CNTNAP2: variants seen among roughly 807,000 people sequenced by gnomAD.
The protein encoded by CNTNAP2 is contactin-associated protein-like 2.
A neutral mutation model predicts 155.2 loss-of-function variants in CNTNAP2; 98 were observed. The ratio of observed to expected loss-of-function variants is 0.63; its 90% CI spans 0.54 to 0.75. The LOEUF (loss-of-function observed/expected upper bound fraction) is 0.75. Among genes scored for constraint, CNTNAP2 ranks in the 30% least tolerant of loss-of-function variants. CNTNAP2 has a pLI of 0.00. For missense variants in CNTNAP2, 1,727 were observed against 1,688.1 expected (o/e 1.02, Z -0.40); for synonymous variants, 651 against 631.2 (o/e 1.03, Z -0.47).
intron 14 of CNTNAP2, among the ~76,000 whole-genome samples, chr7:147,965,770 A>T (rs1264705090): frequency 6.6e-6 from 1 of 152,084 alleles, no homozygotes; most frequent in East Asian, 1.9e-4. Context: ...CCATGGCTGC[A>T]TTCTGACTTG....
At chr7:146,314,115 A>G (rs1164443938) in intron 1 of CNTNAP2, among the ~76,000 whole-genome samples, 1 of 152,156 alleles carries the variant, frequency 6.6e-6, no homozygotes, top group Non-Finnish European at 1.5e-5. Flanking sequence ...TTGTTGAATA[A>G]AATCCGTCAT....
intron 17 of CNTNAP2, among the ~76,000 whole-genome samples, chr7:148,158,073 A>G (rs1355441370): frequency 6.6e-6 from 1 of 152,106 alleles, no homozygotes; most frequent in Non-Finnish European, 1.5e-5. Context: ...CAAAGGGCAA[A>G]GGATAGCCCC....
intron 10 of CNTNAP2, among the ~76,000 whole-genome samples, chr7:147,419,745 C>T (rs1236732315): frequency 6.6e-6 from 1 of 152,162 alleles, no homozygotes; most frequent in Non-Finnish European, 1.5e-5. Context: ...ACCAACATTA[C>T]TGCATCAAAT....
At chr7:148,020,639 C>T (rs1339751522) in intron 15 of CNTNAP2, among the ~76,000 whole-genome samples, 1 of 152,134 alleles carries the variant, frequency 6.6e-6, no homozygotes. Context: ...ATTGTCTACC[C>T]CACAGTTTCA....
chr7:146,641,534 A>C (rs1799708136), intron 1 of CNTNAP2, among the ~76,000 whole-genome samples: 2 of 152,008 alleles, frequency 1.3e-5, no homozygotes. Flanking sequence ...TTTGCTTCTA[A>C]TTTATTTTTC....
intron 3 of CNTNAP2, among the ~76,000 whole-genome samples, chr7:146,879,867 G>A (rs1008123696): frequency 3.3e-5 from 5 of 152,060 alleles, no homozygotes; most frequent in Non-Finnish European, 7.4e-5. Context: ...AGTTTAATGG[G>A]CTCACAGTTC....
chr7:146,448,618 A>C (rs1012430525), intron 1 of CNTNAP2, among the ~76,000 whole-genome samples: 1 of 152,000 alleles, frequency 6.6e-6, no homozygotes, highest in African/African-American at 2.4e-5. Flanking sequence ...ATGCATGGAA[A>C]TTTGCAAAGT....
chr7:147,529,022 A>G (rs1173319254), intron 11 of CNTNAP2, among the ~76,000 whole-genome samples: 1 of 152,180 alleles, frequency 6.6e-6, no homozygotes, highest in Non-Finnish European at 1.5e-5. Flanking sequence ...TAAAAAAGTT[A>G]TGCTAATCAT....
chr7:146,681,596 A>AG (rs1226465041), intron 1 of CNTNAP2, among the ~76,000 whole-genome samples: 1 of 9,782 alleles, frequency 1.0e-4, no homozygotes, highest in Non-Finnish European at 1.9e-4. Flanking sequence ...GGGGGATGGG[A>AG]GGGGGTGGGA....
At chr7:146,647,813 A>G (rs1157622059) in intron 1 of CNTNAP2, among the ~76,000 whole-genome samples, 1 of 152,192 alleles carries the variant, frequency 6.6e-6, no homozygotes, top group Non-Finnish European at 1.5e-5. Flanking sequence ...AGAGATTTTT[A>G]AAAGAAATCT....
chr7:148,247,831 T>C (rs531651036), intron 20 of CNTNAP2, among the ~76,000 whole-genome samples: 12 of 151,620 alleles, frequency 7.9e-5, no homozygotes, highest in Non-Finnish European at 1.3e-4. Flanking sequence ...TTTTTGTATT[T>C]TTAGTAGAGA....
intron 1 of CNTNAP2, among the ~76,000 whole-genome samples, chr7:146,257,888 AT>A (rs57787137): frequency 7.1e-4 from 104 of 147,048 alleles, no homozygotes; most frequent in South Asian, 8.7e-4. Context: ...TTATCCAGCA[AT>A]TTTTTTTTTT....
At chr7:147,539,038 T>A (rs1056494375) in intron 11 of CNTNAP2, among the ~76,000 whole-genome samples, 3 of 152,164 alleles carry the variant, frequency 2.0e-5, no homozygotes, top group Non-Finnish European at 4.4e-5. Flanking sequence ...TGTTTTTAGG[T>A]TATCTAGACA....
intron 8 of CNTNAP2, among the ~76,000 whole-genome samples, chr7:147,189,245 G>C (rs1244504682): frequency 6.6e-6 from 1 of 151,930 alleles, no homozygotes; most frequent in East Asian, 1.9e-4. Flanking sequence ...ATTTTATTTT[G>C]CTGGCATAAA....
intron 13 of CNTNAP2, among the ~76,000 whole-genome samples, chr7:147,848,467 C>T (rs1473324741): frequency 6.0e-5 from 9 of 150,742 alleles, no homozygotes; most frequent in South Asian, 2.1e-4. Context: ...GCACACGGTG[C>T]GCACACACAC....
At chr7:148,075,992 C>T (rs1803476769) in intron 15 of CNTNAP2, among the ~76,000 whole-genome samples, 1 of 152,128 alleles carries the variant, frequency 6.6e-6, no homozygotes, top group Non-Finnish European at 1.5e-5. Flanking sequence ...GTACAGTCTT[C>T]ATAGGTATTT....
At chr7:147,322,819 C>G (rs4725715) in intron 9 of CNTNAP2, among the ~76,000 whole-genome samples, 46,032 of 115,528 alleles carry the variant, frequency 0.4, 10,342 homozygotes, top group East Asian at 0.68. Context: ...TGTATGTGTC[C>G]AGGAATGTAT....
intron 18 of CNTNAP2, among the ~76,000 whole-genome samples, chr7:148,213,957 C>A (rs1372298687): frequency 6.6e-6 from 1 of 152,218 alleles, no homozygotes; most frequent in Non-Finnish European, 1.5e-5. Flanking sequence ...TTTGTCCAGG[C>A]GGCATGATGC....
In CNTNAP2 at chr7:148,314,779, G is replaced by A. The variant is rs1028090432; in HGVS notation, c.3475+47653G>A. 3.5e-4 allele frequency among the ~76,000 whole-genome samples: 54 copies of A among 152,160 alleles called. 2 individuals carry two copies. Among genetic ancestry groups the A allele is most frequent in the African/African-American group, 1.2e-4 (5 of 41,448 alleles). ...CTAAGGGTGAAGGACCAAGGCAGGC[G>A]TCCCCGTGTGGTCAGATGCCTCTGA... On this transcript the variant is annotated intron_variant, in intron 21 of 23. Transcript: ENST00000361727.
Sources: gnomAD v4.1 joint callset for allele counts (sites outside exome capture counted in the v4.1 genomes callset) on GRCh38, gnomAD v4.1.1 for gene constraint, MANE v1.5 for transcripts, NCBI Gene and HGNC (gene_info 2026-07-23, HGNC 2026-07-21) for gene names.